Variants in VSNL1 observed in about 807,000 individuals in gnomAD.
VSNL1 encodes visinin like 1.
Under a neutral mutation model 20.4 loss-of-function variants are expected in VSNL1, and 6 were observed. The ratio of observed to expected loss-of-function variants is 0.29; its 90% CI spans 0.16 to 0.58. The LOEUF (loss-of-function observed/expected upper bound fraction) is 0.58, where lower values mean the gene tolerates loss of function less well. Ranked by LOEUF, VSNL1 falls within the 20% of genes least tolerant of loss-of-function variation. The probability of loss-of-function intolerance (pLI) is 0.90; values close to 1 mark genes in which losing one functional copy is unlikely to be tolerated. For missense variants in VSNL1, 100 were observed against 234.5 expected (o/e 0.43, Z 3.75); for synonymous variants, 93 against 86.4 (o/e 1.08, Z -0.42).
rs3064980 is a variant in VSNL1, at chr2:17,655,455, T to TCA, written c.*106_*107dup. 50,703 of 530,594 alleles carry TCA rather than the reference T, an allele frequency of 0.096. 716 individuals are homozygous for TCA. Among genetic ancestry groups the TCA allele is most frequent in the Middle Eastern group, 0.13 (271 of 2,028 alleles). The allele number at this position is 530,594 out of a possible 1,614,324, so 32.9% of individuals were successfully genotyped here. A position where few individuals can be genotyped will look rare whatever the true frequency, so the allele number is the denominator to read the frequency against. On this transcript the variant is annotated 3_prime_UTR_variant, in exon 4 of 4. Coordinates refer to ENST00000295156, the MANE Select transcript of VSNL1 (RefSeq NM_003385.5). The surrounding 1 kb of genome is among the most constrained non-coding windows in gnomAD (Gnocchi z 5.2). ...AATGTTCCATTCAGTCTGCAGCTATTCACACACACACACACACACACACAC... is the reference window on the plus strand; with the variant it reads ...AATGTTCCATTCAGTCTGCAGCTATTCACACACACACACACACACACACACAC...
intron 2 of VSNL1, among the ~76,000 whole-genome samples, chr2:17,612,672 G>C (rs1362507350): frequency 6.6e-6 from 1 of 152,144 alleles, no homozygotes; most frequent in Non-Finnish European, 1.5e-5. Context: ...TGTAAAGGAG[G>C]TGAGACCAAC....
intron 2 of VSNL1, among the ~76,000 whole-genome samples, chr2:17,631,933 C>T (rs999869180): frequency 3.9e-5 from 6 of 152,232 alleles, no homozygotes; most frequent in African/African-American, 7.2e-5. Flanking sequence ...GTCACTGAGG[C>T]TGGAGTGCAG....
intron 2 of VSNL1, among the ~76,000 whole-genome samples, chr2:17,614,286 G>A (rs536541487): frequency 1.2e-4 from 19 of 152,356 alleles, no homozygotes; most frequent in Non-Finnish European, 2.5e-4. Flanking sequence ...GTCATCCCCA[G>A]TTGGGGGAAA....
At chr2:17,648,852 G>C (rs546017307) in intron 2 of VSNL1, among the ~76,000 whole-genome samples, 4 of 152,300 alleles carry the variant, frequency 2.6e-5, no homozygotes, top group African/African-American at 9.6e-5. Flanking sequence ...AGTTTTAAAT[G>C]TCTGTTCTGC....
chr2:17,621,566 T>G lies in VSNL1; in HGVS notation c.163-27844T>G, dbSNP rs535490086. Among the ~76,000 whole-genome samples, 11 of 152,250 alleles carry G rather than the reference T, an allele frequency of 7.2e-5. No individual in the cohort carries two copies. In the East Asian group the frequency reaches 2.1e-3, roughly 29 times the overall value. On this transcript the variant is annotated intron_variant, in intron 2 of 3. Coordinates refer to ENST00000295156, the MANE Select transcript of VSNL1 (RefSeq NM_003385.5). ...CTCGAACTCCTGACCTCAAGTTATC[T>G]GCCCGCCTCAGCTTCCTAAAGTGCT...
rs1664127630 is a variant in VSNL1, at chr2:17,573,445, A to G, written c.-5-18625A>G. ...CAGGCTACAAACAGGAAGACTACTT[A>G]GTTTTTGCAAAAAAAAAAAAAGTTT... is the stretch of plus-strand genomic sequence containing the variant. On this transcript the variant is annotated intron_variant, in intron 1 of 3. Coordinates refer to ENST00000295156, the MANE Select transcript of VSNL1 (RefSeq NM_003385.5). Among the ~76,000 whole-genome samples the G allele has an allele frequency of 2.0e-5, 3 of 151,500 alleles. No homozygotes were observed. In the South Asian group the frequency reaches 6.2e-4, roughly 32 times the overall value.
intron 1 of VSNL1, among the ~76,000 whole-genome samples, chr2:17,578,270 A>G (rs1037499061): frequency 2.0e-5 from 3 of 151,784 alleles, no homozygotes; most frequent in African/African-American, 7.3e-5. Flanking sequence ...AGACAACACA[A>G]CTCCACTGTG....
At chr2:17,604,621 T>C (rs1664902693) in intron 2 of VSNL1, among the ~76,000 whole-genome samples, 1 of 152,242 alleles carries the variant, frequency 6.6e-6, no homozygotes, top group Non-Finnish European at 1.5e-5. Context: ...GAGAACCAGC[T>C]GGGCCTGGCT....
intron 2 of VSNL1, among the ~76,000 whole-genome samples, chr2:17,625,475 G>A (rs927702352): frequency 6.6e-6 from 1 of 152,146 alleles, no homozygotes; most frequent in African/African-American, 2.4e-5. Context: ...CTTTGTAATA[G>A]TTGCTTTGAC....
chr2:17,587,348 A>AACAGAC (rs1553301051), intron 1 of VSNL1, among the ~76,000 whole-genome samples: 2 of 134,574 alleles, frequency 1.5e-5, no homozygotes, highest in African/African-American at 5.7e-5. Context: ...GGCTGAGGGC[A>AACAGAC]ACACACACAC....
intron 2 of VSNL1, among the ~76,000 whole-genome samples, chr2:17,618,114 A>G (rs886529561): frequency 6.6e-5 from 10 of 152,196 alleles, no homozygotes; most frequent in Admixed American, 2.6e-4. Context: ...TTGGTGGTCA[A>G]TGTTGCTGTC....
At chr2:17,575,969 AT>A (rs141824070) in intron 1 of VSNL1, among the ~76,000 whole-genome samples, 5,029 of 152,332 alleles carry the variant, frequency 0.033, 89 homozygotes, top group East Asian at 0.098. Flanking sequence ...TTATCATTCC[AT>A]TATTATAACT....
chr2:17,583,404 G>C (rs1664396759), intron 1 of VSNL1, among the ~76,000 whole-genome samples: 1 of 152,252 alleles, frequency 6.6e-6, no homozygotes, highest in African/African-American at 2.4e-5. Context: ...TTGGACAGAA[G>C]GCTGTGATTA....
intron 1 of VSNL1, among the ~76,000 whole-genome samples, chr2:17,579,357 C>T (rs1271693785): frequency 2.6e-5 from 4 of 152,046 alleles, no homozygotes; most frequent in Admixed American, 1.3e-4. Flanking sequence ...CCTCGTGATC[C>T]GCCCGCCTCG....
At chr2:17,569,767 T>C (rs1210549912) in intron 1 of VSNL1, among the ~76,000 whole-genome samples, 1 of 152,244 alleles carries the variant, frequency 6.6e-6, no homozygotes, top group Non-Finnish European at 1.5e-5. Flanking sequence ...ATTATTCTGA[T>C]CTTCAAGTCT....
chr2:17,554,623 G>A (rs1216143301), intron 1 of VSNL1, among the ~76,000 whole-genome samples: 1 of 152,006 alleles, frequency 6.6e-6, no homozygotes, highest in Non-Finnish European at 1.5e-5. Context: ...GACATTCCAG[G>A]TAATTCATTA....
intron 2 of VSNL1, among the ~76,000 whole-genome samples, chr2:17,605,655 C>A (rs1173449764): frequency 6.6e-6 from 1 of 152,178 alleles, no homozygotes; most frequent in African/African-American, 2.4e-5. Flanking sequence ...CAGGGCTGAC[C>A]CAGAGGGACA....
intron 1 of VSNL1, among the ~76,000 whole-genome samples, chr2:17,560,200 A>ATT (rs1237743737): frequency 1.3e-5 from 2 of 149,480 alleles, no homozygotes; most frequent in African/African-American, 4.9e-5. Context: ...AAAACATCAT[A>ATT]TATATATACA....
chr2:17,591,979 A>G, intron 1 of VSNL1, 91 bp from the exon 2 acceptor site: 1 of 1,472,374 alleles, frequency 6.8e-7, no homozygotes, highest in Non-Finnish European at 9.3e-7. Context: ...AGTTCCGACC[A>G]TGGGACTGCT....
Sources: allele counts gnomAD v4.1 joint callset (sites outside exome capture counted in the v4.1 genomes callset), GRCh38; gene constraint gnomAD v4.1.1; non-coding constraint Gnocchi (gnomAD v3.1); transcripts MANE v1.5; gene names NCBI Gene and HGNC (gene_info 2026-07-23, HGNC 2026-07-21).